Variants in ADCY5 observed in about 807,000 individuals in gnomAD.
The protein encoded by ADCY5 is adenylate cyclase type 5.
In ADCY5, 30 loss-of-function variants were observed where a neutral mutation model predicts 119.7. The observed-to-expected ratio is 0.25, with a 90% CI of 0.19 to 0.34. The LOEUF (loss-of-function observed/expected upper bound fraction) is 0.34. Among genes scored for constraint, ADCY5 ranks in the 10% least tolerant of loss-of-function variants. The pLI, the probability that ADCY5 is intolerant of heterozygous loss-of-function variation, is 1.00. For missense variants in ADCY5, 1,324 were observed against 1,775.2 expected, an observed-to-expected ratio of 0.75 and a Z score of 4.57; for synonymous variants, 753 against 762.2, an observed-to-expected ratio of 0.99 and a Z score of 0.20.
intron 1 of ADCY5, among the ~76,000 whole-genome samples, chr3:123,373,232 A>G (rs1369021752): frequency 6.6e-6 from 1 of 152,238 alleles, no homozygotes; most frequent in Non-Finnish European, 1.5e-5. Flanking sequence ...ATTTCCAGGC[A>G]GCTGGTATGT....
intron 19 of ADCY5, among the ~76,000 whole-genome samples, chr3:123,287,469 C>T (rs1437285518): frequency 6.6e-6 from 1 of 152,210 alleles, no homozygotes; most frequent in African/African-American, 2.4e-5. Flanking sequence ...GTTCCCTAGA[C>T]ATTTCCTGTC....
At chr3:123,427,622 G>C (rs1945440456) in intron 1 of ADCY5, among the ~76,000 whole-genome samples, 1 of 152,166 alleles carries the variant, frequency 6.6e-6, no homozygotes, top group African/African-American at 2.4e-5. Flanking sequence ...TGATGTATAA[G>C]AGGCCAGACC....
intron 11 of ADCY5, among the ~76,000 whole-genome samples, chr3:123,314,967 T>C (rs1940831787): frequency 6.6e-6 from 1 of 152,186 alleles, no homozygotes; most frequent in Admixed American, 6.5e-5. Context: ...AATGCAAGGA[T>C]TTCCCTCTGC....
chr3:123,358,195 T>TGTGTGTGTGTGTGTGA lies in ADCY5; in HGVS notation c.1135-5615_1135-5614insTCACACACACACACAC, dbSNP rs58986112. On this transcript the variant is annotated intron_variant, in intron 1 of 20. Transcript: ENST00000462833. ...GTGTGTGTGTGTGTGTGTGTGTGTG[T>TGTGTGTGTGTGTGTGA]AGGGAGTTGGTGGTATGGCGGAGCA... is the stretch of plus-strand genomic sequence containing the variant. Among the ~76,000 whole-genome samples, 345 of 149,190 alleles carry TGTGTGTGTGTGTGTGA rather than the reference T, an allele frequency of 2.3e-3. 4 individuals are homozygous for TGTGTGTGTGTGTGTGA. The highest frequency in any genetic ancestry group is 8.0e-3 in the African/African-American group (319 of 40,036).
intron 11 of ADCY5, 131 bp downstream of exon 11, chr3:123,317,889 G>C (rs1941006312): frequency 6.1e-6 from 5 of 817,972 alleles, no homozygotes; most frequent in Non-Finnish European, 7.8e-6. Context: ...GGCACACTCA[G>C]AAACTTCTCT....
At chr3:123,319,044 C>G (rs993826150) in intron 10 of ADCY5, among the ~76,000 whole-genome samples, 3 of 152,138 alleles carry the variant, frequency 2.0e-5, no homozygotes, top group East Asian at 1.9e-4. Context: ...GCCTACTATG[C>G]GACAGATACT....
intron 1 of ADCY5, among the ~76,000 whole-genome samples, chr3:123,373,015 G>A (rs1016002303): frequency 6.6e-6 from 1 of 152,168 alleles, no homozygotes; most frequent in African/African-American, 2.4e-5. Context: ...TCAACCACCT[G>A]TTCTCTCCTG....
At chr3:123,434,497 A>C (rs571818043) in intron 1 of ADCY5, among the ~76,000 whole-genome samples, 16 of 152,364 alleles carry the variant, frequency 1.1e-4, no homozygotes, top group Non-Finnish European at 2.4e-4. Flanking sequence ...CCCAAAGCCA[A>C]TGGTTATCTT....
In ADCY5 at chr3:123,297,366, C is replaced by T. The variant is rs749564195; in HGVS notation, c.2917G>A (p.Gly973Arg). Residue 973 changes from glycine (G) to arginine (R), a missense_variant, in exon 16 of 21, where the codon GGG becomes AGG. Physicochemically the swap from Gly to Arg is moderately radical, Grantham distance 125. This residue lies in a region of ADCY5 where 424 missense variants were observed against 546.8 expected (regional missense o/e 0.78). Coordinates refer to ENST00000462833, the MANE Select transcript of ADCY5 (RefSeq NM_183357.3). ...GCATCAACTCACCACTGGGAGGTCCCGTTGTTGAAGAAGTCTCTGTGAAGA... is the reference window on the plus strand; with the variant it reads ...GCATCAACTCACCACTGGGAGGTCCTGTTGTTGAAGAAGTCTCTGTGAAGA... ...TANAIDFFNN[G>R]TSQCPEHATK... 1.2e-5 allele frequency: 19 copies of T among 1,613,878 alleles called. No homozygotes were observed. Among genetic ancestry groups the T allele is most frequent in the Admixed American group, 6.7e-5 (4 of 59,994 alleles).
At chr3:123,424,206 G>C (rs914225493) in intron 1 of ADCY5, among the ~76,000 whole-genome samples, 1 of 152,212 alleles carries the variant, frequency 6.6e-6, no homozygotes, top group African/African-American at 2.4e-5. Flanking sequence ...TGGAATGGTG[G>C]GCAGGGCTGG....
Position 123,447,599 on chromosome 3 carries a change from C to A in ADCY5, c.947G>T (p.Gly316Val), listed in dbSNP as rs1454499038. ...IAVVLAVQVVGLLLPQPRSAS... is the reference protein window; with the variant it reads ...IAVVLAVQVVVLLLPQPRSAS... ...GCTGCGTGGCTGCGGCAGCAGCAGG[C>A]CCACCACCTGGACGGCCAGCACCAC... Residue 316 changes from glycine to valine, a missense_variant, in exon 1 of 21, where the codon GGC becomes GTC. Physicochemically the swap from Gly to Val is moderately radical, Grantham distance 109. Coordinates refer to ENST00000462833, the MANE Select transcript of ADCY5 (RefSeq NM_183357.3). 1.2e-6 allele frequency: 2 copies of A among 1,607,192 alleles called. No individual in the cohort carries two copies. Among genetic ancestry groups the A allele is most frequent in the South Asian group, 2.2e-5 (2 of 90,588 alleles).
At chr3:123,416,499 T>C (rs960861322) in intron 1 of ADCY5, among the ~76,000 whole-genome samples, 1 of 152,148 alleles carries the variant, frequency 6.6e-6, no homozygotes, top group African/African-American at 2.4e-5. Flanking sequence ...AAGTCTCTCA[T>C]AGAAACTGGT....
chr3:123,407,589 T>TG (rs760928219), intron 1 of ADCY5, among the ~76,000 whole-genome samples: 9 of 94,176 alleles, frequency 9.6e-5, no homozygotes, highest in African/African-American at 4.1e-4. Flanking sequence ...CTATCTCTAC[T>TG]AAAAAAAAAA....
In ADCY5 at chr3:123,286,536, C is replaced by A. The variant is rs1171437990; in HGVS notation, c.3657+149G>T. On this transcript the variant is annotated intron_variant, in intron 20 of 20. Coordinates refer to ENST00000462833, the MANE Select transcript of ADCY5 (RefSeq NM_183357.3). This position sits in a 1 kb window ranked among gnomAD's most constrained non-coding sequence, Gnocchi z 4.2. ...AACACAATTGTGTTCTCCAAGCTTCCAAGACATCAGCGTCAACAGCCCCAT... is the reference window on the plus strand; with the variant it reads ...AACACAATTGTGTTCTCCAAGCTTCAAAGACATCAGCGTCAACAGCCCCAT... The A allele has an allele frequency of 2.6e-6, 3 of 1,158,486 alleles. No homozygotes were observed. The highest frequency in any genetic ancestry group is 3.6e-6 in the Non-Finnish European group (3 of 833,846). The allele number at this position is 1,158,486 out of a possible 1,614,324, so 71.8% of individuals were successfully genotyped here.
intron 13 of ADCY5, 70 bp downstream of exon 13, chr3:123,303,997 G>T: frequency 2.7e-6 from 3 of 1,093,238 alleles, no homozygotes; most frequent in South Asian, 2.5e-5. Context: ...CCTGCTTGTC[G>T]GGTACATGGC....
At chr3:123,297,172 G>A (rs1939567732) in intron 16 of ADCY5, 181 bp downstream of exon 16, 3 of 1,352,860 alleles carry the variant, frequency 2.2e-6, no homozygotes, top group South Asian at 2.5e-5. Flanking sequence ...AAGTGACCAG[G>A]GCCTCTGCCC....
Position 123,304,096 on chromosome 3 carries a change from G to C in ADCY5, c.2530C>G (p.Leu844Val), listed in dbSNP as rs759971700. The change falls in exon 13 of 21, where the codon CTG (leucine) becomes GTG (valine). Residue 844 changes from leucine to valine, a missense_variant. Leu to Val is a conservative substitution (Grantham distance 32). Transcript: ENST00000462833. ...TTGACAAAAGCCGCCAGGAACACCA[G>C]GGTGATGGTGAACACCCCAACCAGG... Reference protein sequence around the residue: ...STLVGVFTITLVFLAAFVNMF... With the variant: ...STLVGVFTITVVFLAAFVNMF... The C allele has an allele frequency of 6.2e-7, 1 of 1,613,852 alleles. No individual in the cohort carries two copies. The highest frequency in any genetic ancestry group is 1.1e-5 in the South Asian group (1 of 91,066).
chr3:123,313,394 G>A (rs1440552376), intron 12 of ADCY5, among the ~76,000 whole-genome samples: 4 of 152,174 alleles, frequency 2.6e-5, no homozygotes, highest in East Asian at 1.9e-4. Context: ...GGGCCCCACC[G>A]CCCACCCCAG....
intron 8 of ADCY5, among the ~76,000 whole-genome samples, chr3:123,324,806 C>A (rs1026442716): frequency 6.6e-6 from 1 of 152,218 alleles, no homozygotes; most frequent in Non-Finnish European, 1.5e-5. Context: ...AGTGGGGGGT[C>A]TTTCTCAGCA....
Sources: allele counts gnomAD v4.1 joint callset (sites outside exome capture counted in the v4.1 genomes callset), GRCh38; gene constraint gnomAD v4.1.1; regional missense constraint gnomAD v4.1.1; non-coding constraint Gnocchi (gnomAD v3.1); transcripts MANE v1.5; gene names NCBI Gene and HGNC (gene_info 2026-07-23, HGNC 2026-07-21).